Variants in ADAMTS3 observed in about 807,000 individuals in gnomAD.
ADAMTS3 encodes ADAM metallopeptidase with thrombospondin type 1 motif 3, also known as A disintegrin and metalloproteinase with thrombospondin motifs 3.
Under a neutral mutation model 129.0 loss-of-function variants are expected in ADAMTS3, and 73 were observed. That is an observed-to-expected ratio of 0.57 (90% CI 0.47 to 0.69). ADAMTS3 has a LOEUF of 0.69. Among genes scored for constraint, ADAMTS3 ranks in the 30% least tolerant of loss-of-function variants. The pLI is 0.00. For synonymous variants in ADAMTS3, 477 were observed against 510.8 expected (o/e 0.93, Z 0.89); for missense variants, 1,457 against 1,514.5 (o/e 0.96, Z 0.63).
chr4:72,431,143 C>T (rs1722689369), intron 3 of ADAMTS3, among the ~76,000 whole-genome samples: 1 of 151,858 alleles, frequency 6.6e-6, no homozygotes, highest in Non-Finnish European at 1.5e-5. Context: ...CAAAAAGACA[C>T]CCACAGAGCA....
intron 3 of ADAMTS3, among the ~76,000 whole-genome samples, chr4:72,488,492 G>A (rs1219791290): frequency 6.6e-6 from 1 of 151,796 alleles, no homozygotes; most frequent in Non-Finnish European, 1.5e-5. Context: ...TGTTTTGGTA[G>A]TGCCTGAGAT....
Position 72,283,543 on chromosome 4 carries a change from C to T in ADAMTS3, c.3211G>A (p.Asp1071Asn). 1.2e-6 allele frequency: 2 copies of T among 1,614,016 alleles called. No individual in the cohort carries two copies. Among genetic ancestry groups the T allele is most frequent in the Non-Finnish European group, 1.7e-6 (2 of 1,179,960 alleles). The change falls in exon 22 of 22, where the codon GAT (aspartate) becomes AAT (asparagine). Residue 1071 changes from aspartate to asparagine, a missense_variant. Coordinates refer to ENST00000286657, the MANE Select transcript of ADAMTS3 (RefSeq NM_014243.3). ...AGGTCACTAGGGTTAGAGATGACAT[C>T]ATCATGAGTTTCAGCAGCTTCTAGA... is the stretch of plus-strand genomic sequence containing the variant. ...YLLEAAETHD[D>N]VISNPSDLPR... is the part of the protein sequence containing the mutation.
chr4:72,309,656 A>C (rs1719179561), intron 14 of ADAMTS3, 136 bp from the exon 15 acceptor site: 1 of 856,630 alleles, frequency 1.2e-6, no homozygotes, highest in South Asian at 2.6e-5. Flanking sequence ...TGTAGTCATA[A>C]TTTTTAATAC....
intron 3 of ADAMTS3, among the ~76,000 whole-genome samples, chr4:72,416,216 T>A (rs76079477): frequency 6.6e-4 from 23 of 35,108 alleles, no homozygotes; most frequent in Non-Finnish European, 1.5e-3. Flanking sequence ...TAAATAAATA[T>A]ATATATATTT....
At chr4:72,498,376 A>C (rs1164243957) in intron 3 of ADAMTS3, among the ~76,000 whole-genome samples, 1 of 152,026 alleles carries the variant, frequency 6.6e-6, no homozygotes, top group African/African-American at 2.4e-5. Flanking sequence ...ATCAGAACTC[A>C]AACCATCTTA....
At chr4:72,284,207 T>C (rs747848620) in intron 21 of ADAMTS3, among the ~76,000 whole-genome samples, 29 of 152,110 alleles carry the variant, frequency 1.9e-4, no homozygotes, top group Non-Finnish European at 3.1e-4. Context: ...CAAAATACCA[T>C]CTTGATTTAA....
intron 3 of ADAMTS3, among the ~76,000 whole-genome samples, chr4:72,532,146 GAC>G (rs373151131): frequency 3.3e-5 from 5 of 151,858 alleles, no homozygotes; most frequent in African/African-American, 1.2e-4. Flanking sequence ...ACAAGAAACA[GAC>G]AGTAGAGTTT....
chr4:72,375,301 A>G (rs1721108877), intron 4 of ADAMTS3, among the ~76,000 whole-genome samples: 1 of 152,162 alleles, frequency 6.6e-6, no homozygotes. Context: ...AGGCCGCCAA[A>G]GCATTTCTGG....
chr4:72,472,163 A>G (rs183949706), intron 3 of ADAMTS3, among the ~76,000 whole-genome samples: 12 of 152,292 alleles, frequency 7.9e-5, no homozygotes, highest in Admixed American at 7.9e-4. Context: ...AGGAGAAATA[A>G]CGTTTTTATA....
chr4:72,345,962 CATACTAGTTCACGTA>C (rs1720270940), intron 4 of ADAMTS3, among the ~76,000 whole-genome samples: 5 of 152,088 alleles, frequency 3.3e-5, no homozygotes, highest in Admixed American at 3.3e-4. Context: ...AATAAGTAAA[CATACTAGTTCACGTA>C]ACAAGAGTTC....
In ADAMTS3 at chr4:72,568,730, GGCT is replaced by G. The variant is rs1289064133; in HGVS notation, c.30_32del (p.Ala12del). On this transcript the variant is annotated inframe_deletion, in exon 1 of 22. Transcript: ENST00000286657. ...CTGAAGTCCTAACCTCTACCAGAGCGGCTGCTATCAACCAAAGTGACAGGAGAA... is the reference window on the plus strand; with the variant it reads ...CTGAAGTCCTAACCTCTACCAGAGCGGCTATCAACCAAAGTGACAGGAGAA... The G allele has an allele frequency of 7.4e-6, 12 of 1,613,748 alleles. No homozygotes were observed. The highest frequency in any genetic ancestry group is 2.7e-5 in the African/African-American group (2 of 74,808).
At chr4:72,557,989 A>G (rs1424216232) in intron 2 of ADAMTS3, among the ~76,000 whole-genome samples, 1 of 151,832 alleles carries the variant, frequency 6.6e-6, no homozygotes, top group Non-Finnish European at 1.5e-5. Flanking sequence ...CACTCTAAAA[A>G]TTAATATTTC....
chr4:72,296,410 T>C (rs1718809662), intron 18 of ADAMTS3, among the ~76,000 whole-genome samples: 1 of 152,022 alleles, frequency 6.6e-6, no homozygotes, highest in South Asian at 2.1e-4. Flanking sequence ...ATCCTGAAGG[T>C]TATAGGGAGT....
chr4:72,543,340 T>C (rs143872907), intron 3 of ADAMTS3, among the ~76,000 whole-genome samples: 50 of 152,302 alleles, frequency 3.3e-4, no homozygotes, highest in African/African-American at 1.1e-3. Flanking sequence ...AATGACCATA[T>C]GATCCAGCAG....
intron 4 of ADAMTS3, among the ~76,000 whole-genome samples, chr4:72,359,741 T>C (rs1279152608): frequency 6.6e-6 from 1 of 152,056 alleles, no homozygotes; most frequent in African/African-American, 2.4e-5. Flanking sequence ...ATTAAATGAA[T>C]ACACACTGAT....
chr4:72,283,802 A>G, intron 21 of ADAMTS3, 98 bp from the exon 22 acceptor site: 1 of 1,063,728 alleles, frequency 9.4e-7, no homozygotes, highest in Non-Finnish European at 1.3e-6. Flanking sequence ...AAAAGATTTA[A>G]GTGCAATCTG....
chr4:72,513,359 CATCTTTCCCTTTTCAATGACCACAGCT>C (rs1420685556), intron 3 of ADAMTS3, among the ~76,000 whole-genome samples: 1 of 152,028 alleles, frequency 6.6e-6, no homozygotes, highest in Non-Finnish European at 1.5e-5. Flanking sequence ...AATGTTATAC[CATCTTTCCCTTTTCAATGACCACAGCT>C]ACTGTTCTAC....
chr4:72,467,092 C>T (rs1048110973), intron 3 of ADAMTS3, among the ~76,000 whole-genome samples: 1 of 151,938 alleles, frequency 6.6e-6, no homozygotes, highest in African/African-American at 2.4e-5. Context: ...AAAATCACTG[C>T]AAAAAAGCTT....
At chr4:72,496,107 G>C (rs1232475164) in intron 3 of ADAMTS3, among the ~76,000 whole-genome samples, 1 of 152,182 alleles carries the variant, frequency 6.6e-6, no homozygotes, top group East Asian at 1.9e-4. Flanking sequence ...TTTCTCAGTT[G>C]TAGCTCCTGC....
Sources: allele counts gnomAD v4.1 joint callset (sites outside exome capture counted in the v4.1 genomes callset), GRCh38; gene constraint gnomAD v4.1.1; transcripts MANE v1.5; gene names NCBI Gene and HGNC (gene_info 2026-07-23, HGNC 2026-07-21).